TTC29: variants seen among roughly 807,000 people sequenced by gnomAD.
The protein encoded by TTC29 is tetratricopeptide repeat domain 29.
Under a neutral mutation model 58.1 loss-of-function variants are expected in TTC29, and 49 were observed. That is an observed-to-expected ratio of 0.84 (90% confidence interval 0.67 to 1.07). The LOEUF (loss-of-function observed/expected upper bound fraction) is 1.07, where lower values mean the gene tolerates loss of function less well. TTC29 is among the 50% of genes least tolerant of loss of function. The pLI, the probability that TTC29 is intolerant of heterozygous loss-of-function variation, is 0.00. For missense variants in TTC29, 582 were observed against 555.6 expected, an observed-to-expected ratio of 1.05 and a Z score of -0.48; for synonymous variants, 209 against 196.8, an observed-to-expected ratio of 1.06 and a Z score of -0.52.
At chr4:146,834,092 A>G (rs1275959922) in intron 8 of TTC29, among the ~76,000 whole-genome samples, 195 bp from the exon 9 acceptor site, 1 of 152,224 alleles carries the variant, frequency 6.6e-6, no homozygotes, top group Admixed American at 6.5e-5. Flanking sequence ...TCTTTAAGCC[A>G]TGACAGTGAC....
At chr4:146,749,636 T>C (rs897936922) in intron 11 of TTC29, among the ~76,000 whole-genome samples, 1 of 151,836 alleles carries the variant, frequency 6.6e-6, no homozygotes, top group African/African-American at 2.4e-5. Flanking sequence ...AAATAATGGG[T>C]TGGTAAAACT....
At chr4:146,838,460 A>G (rs1728651054) in intron 8 of TTC29, among the ~76,000 whole-genome samples, 1 of 151,988 alleles carries the variant, frequency 6.6e-6, no homozygotes, top group South Asian at 2.1e-4. Flanking sequence ...TTGCTTTTTC[A>G]GAAGATAGGA....
intron 6 of TTC29, among the ~76,000 whole-genome samples, chr4:146,889,791 C>CA (rs1166918409): frequency 6.6e-6 from 1 of 151,082 alleles, no homozygotes; most frequent in Non-Finnish European, 1.5e-5. Flanking sequence ...CTTCAAATGC[C>CA]AAAAAATAAA....
intron 4 of TTC29, among the ~76,000 whole-genome samples, chr4:146,921,743 G>A (rs893973372): frequency 2.3e-4 from 35 of 150,994 alleles, no homozygotes; most frequent in Admixed American, 2.2e-3. Flanking sequence ...AGAGGGAGAA[G>A]TATTTCAACA....
chr4:146,710,746 A>G (rs1742431871), intron 11 of TTC29, among the ~76,000 whole-genome samples: 1 of 152,130 alleles, frequency 6.6e-6, no homozygotes, highest in African/African-American at 2.4e-5. Context: ...TACGATCTAC[A>G]TTTCAGTAGA....
intron 9 of TTC29, among the ~76,000 whole-genome samples, chr4:146,829,116 T>C (rs1044986455): frequency 3.3e-5 from 5 of 152,240 alleles, no homozygotes; most frequent in African/African-American, 1.2e-4. Flanking sequence ...ATTAAATTCA[T>C]TCAACCAGAC....
At chr4:146,928,538 A>G (rs1043617197) in intron 4 of TTC29, among the ~76,000 whole-genome samples, 1 of 152,228 alleles carries the variant, frequency 6.6e-6, no homozygotes, top group Non-Finnish European at 1.5e-5. Context: ...TTAATTAAAA[A>G]GTATTTCTTG....
intron 11 of TTC29, among the ~76,000 whole-genome samples, chr4:146,746,557 T>G (rs988512029): frequency 1.3e-5 from 2 of 152,146 alleles, no homozygotes; most frequent in African/African-American, 4.8e-5. Flanking sequence ...CATAAAAAAT[T>G]TTGGTTTACA....
intron 11 of TTC29, among the ~76,000 whole-genome samples, chr4:146,776,429 G>A (rs1748097642): frequency 6.6e-6 from 1 of 150,762 alleles, no homozygotes; most frequent in Non-Finnish European, 1.5e-5. Context: ...TGAAGCTGCT[G>A]TCCTTTGGAT....
chr4:146,738,831 C>T (rs28444238), intron 11 of TTC29, among the ~76,000 whole-genome samples: 49,770 of 151,828 alleles, frequency 0.33, 8,675 homozygotes, highest in East Asian at 0.54. Flanking sequence ...CCATAAAGAC[C>T]CAAGAGGGCA....
chr4:146,871,267 A>G (rs994044484), intron 7 of TTC29, among the ~76,000 whole-genome samples: 1 of 151,860 alleles, frequency 6.6e-6, no homozygotes, highest in Non-Finnish European at 1.5e-5. Context: ...GGAAAAAAAC[A>G]TTTTGCAAAA....
chr4:146,902,036 T>C (rs1259492548), intron 6 of TTC29, among the ~76,000 whole-genome samples: 2 of 152,232 alleles, frequency 1.3e-5, no homozygotes, highest in Admixed American at 1.3e-4. Context: ...GCTAATTCCC[T>C]TTTCTGGGAT....
intron 9 of TTC29, chr4:146,831,575 C>T (rs1352486886): frequency 3.3e-6 from 1 of 303,778 alleles, no homozygotes; most frequent in Non-Finnish European, 6.8e-6. Flanking sequence ...TCAAATATAG[C>T]TGTATCCCGT....
intron 9 of TTC29, among the ~76,000 whole-genome samples, chr4:146,825,816 T>C (rs1258565784): frequency 6.6e-6 from 1 of 152,198 alleles, no homozygotes. Flanking sequence ...TTTAGAATAA[T>C]TAGTCCTTCT....
At chr4:146,866,463 A>G (rs925616715) in intron 8 of TTC29, among the ~76,000 whole-genome samples, 2 of 152,060 alleles carry the variant, frequency 1.3e-5, no homozygotes, top group South Asian at 4.1e-4. Flanking sequence ...CAGTGTTGGA[A>G]CCAGCCACTC....
intron 4 of TTC29, chr4:146,933,990 C>T (rs1015868392): frequency 6.6e-6 from 1 of 152,212 alleles, no homozygotes; most frequent in African/African-American, 2.4e-5. Flanking sequence ...GAAGTGTCAG[C>T]AATAAGGCCA....
At chr4:146,903,145 A>C (rs773635118) in intron 6 of TTC29, among the ~76,000 whole-genome samples, 29 of 152,186 alleles carry the variant, frequency 1.9e-4, no homozygotes, top group Non-Finnish European at 4.1e-4. Flanking sequence ...TATTTTAAAA[A>C]TCATGATGAG....
chr4:146,727,967 GC>G (rs1286676554), intron 11 of TTC29, among the ~76,000 whole-genome samples: 1 of 152,098 alleles, frequency 6.6e-6, no homozygotes, highest in African/African-American at 2.4e-5. Flanking sequence ...ATACGGAGTT[GC>G]TTCATTCATT....
At chr4:146,844,873 A>G (rs548747346) in intron 8 of TTC29, among the ~76,000 whole-genome samples, 1 of 152,324 alleles carries the variant, frequency 6.6e-6, no homozygotes, top group Admixed American at 6.5e-5. Flanking sequence ...GAGAGTTCAG[A>G]GCAGCTGAGT....
Sources: gnomAD v4.1 joint callset for allele counts (sites outside exome capture counted in the v4.1 genomes callset) on GRCh38, gnomAD v4.1.1 for gene constraint, MANE v1.5 for transcripts, NCBI Gene and HGNC (gene_info 2026-07-23, HGNC 2026-07-21) for gene names.